Variants in CDKAL1 observed in about 807,000 individuals in gnomAD.
CDKAL1 encodes the protein CDKAL1 threonylcarbamoyladenosine tRNA methylthiotransferase.
Under a neutral mutation model 68.2 loss-of-function variants are expected in CDKAL1, and 32 were observed. That is an observed-to-expected ratio of 0.47 (90% CI 0.35 to 0.63). The LOEUF is 0.63. CDKAL1 is among the 30% of genes least tolerant of loss of function. The pLI is 0.00. For synonymous variants in CDKAL1, 234 were observed against 244.3 expected, an observed-to-expected ratio of 0.96 and a Z score of 0.39; for missense variants, 606 against 696.7, an observed-to-expected ratio of 0.87 and a Z score of 1.47.
chr6:20,540,210 G>A (rs570233827), intron 2 of CDKAL1, among the ~76,000 whole-genome samples: 72 of 150,702 alleles, frequency 4.8e-4, no homozygotes, highest in Non-Finnish European at 8.7e-4. Context: ...AGTAGCTGGG[G>A]TTACAGGCGC....
At chr6:20,890,192 C>T (rs570944105) in intron 9 of CDKAL1, among the ~76,000 whole-genome samples, 5 of 152,358 alleles carry the variant, frequency 3.3e-5, no homozygotes, top group African/African-American at 1.2e-4. Flanking sequence ...TGTTAGCACT[C>T]GCCTTGGGCA....
chr6:20,950,422 C>T (rs1357504965), intron 9 of CDKAL1, among the ~76,000 whole-genome samples: 1 of 152,060 alleles, frequency 6.6e-6, no homozygotes, highest in Non-Finnish European at 1.5e-5. Context: ...CTGCACCCAG[C>T]GTAATTTCTG....
chr6:20,625,985 A>G (rs1767414735), intron 4 of CDKAL1, among the ~76,000 whole-genome samples: 1 of 152,052 alleles, frequency 6.6e-6, no homozygotes, highest in Non-Finnish European at 1.5e-5. Context: ...TCTAACTAGG[A>G]TCTATGTTTT....
chr6:20,551,723 G>A lies in CDKAL1; in HGVS notation c.286+3018G>A, dbSNP rs75228130. The stretch of plus-strand genomic sequence containing the variant: ...TTTTTTATAACATATTCTTTAGATG[G>A]CAAAATGAGTCTTAATATTTCTGTC... On this transcript the variant is annotated intron_variant, in intron 4 of 15. Coordinates refer to ENST00000274695, the MANE Select transcript of CDKAL1 (RefSeq NM_017774.3). Among the ~76,000 whole-genome samples the A allele has an allele frequency of 1.1e-3, 173 of 152,072 alleles. 3 individuals carry two copies. The East Asian group carries it at 0.028, about 25-fold the overall frequency.
intron 5 of CDKAL1, among the ~76,000 whole-genome samples, chr6:20,694,042 TTGTGTGTGTGTGTGTGTGTATGTG>T (rs993451287): frequency 4.4e-5 from 5 of 114,400 alleles, no homozygotes; most frequent in Middle Eastern, 3.9e-3. Context: ...CCGGCTAACT[TTGTGTGTGTGTGTGTGTGTATGTG>T]TGTGTGTGTG....
chr6:20,630,011 A>T (rs1767605062), intron 4 of CDKAL1, among the ~76,000 whole-genome samples: 1 of 150,674 alleles, frequency 6.6e-6, no homozygotes, highest in South Asian at 2.1e-4. Flanking sequence ...CCACCACCAC[A>T]CCTGGCTAAT....
At chr6:20,949,046 G>T (rs1334232285) in intron 9 of CDKAL1, among the ~76,000 whole-genome samples, 3 of 152,116 alleles carry the variant, frequency 2.0e-5, no homozygotes, top group African/African-American at 4.8e-5. Flanking sequence ...TCTATAACCA[G>T]TATAATTACA....
intron 12 of CDKAL1, among the ~76,000 whole-genome samples, chr6:21,103,011 T>A (rs1773658742): frequency 6.6e-6 from 1 of 152,240 alleles, no homozygotes; most frequent in Non-Finnish European, 1.5e-5. Flanking sequence ...TAAATTGTAT[T>A]GTAGTATACC....
intron 12 of CDKAL1, among the ~76,000 whole-genome samples, chr6:21,101,396 C>CA (rs1773570064): frequency 6.6e-6 from 1 of 152,284 alleles, no homozygotes; most frequent in African/African-American, 2.4e-5. Context: ...TAAAGATTCG[C>CA]TAATAGTTCT....
At chr6:21,211,855 T>C (rs187187489) in intron 15 of CDKAL1, among the ~76,000 whole-genome samples, 32 of 152,272 alleles carry the variant, frequency 2.1e-4, no homozygotes, top group African/African-American at 7.2e-4. Flanking sequence ...CTTCCCGGGC[T>C]CAAGTGATCC....
intron 13 of CDKAL1, among the ~76,000 whole-genome samples, chr6:21,151,929 A>C (rs1033276354): frequency 6.6e-6 from 1 of 152,116 alleles, no homozygotes; most frequent in African/African-American, 2.4e-5. Context: ...ACACACAATG[A>C]TTATTTTCAG....
chr6:20,639,411 A>C (rs887826118), intron 4 of CDKAL1, among the ~76,000 whole-genome samples: 1 of 152,150 alleles, frequency 6.6e-6, no homozygotes, highest in Non-Finnish European at 1.5e-5. Context: ...ATGGGAGCAT[A>C]GGTACTCTTT....
rs1034800497 is a variant in CDKAL1 at position 21,231,736 on chromosome 6, T to G, written c.*697T>G. 1.3e-5 allele frequency: 2 copies of G among 152,052 alleles called. No individual in the cohort carries two copies. 9.4% of individuals were successfully genotyped at this position (152,052 alleles called of 1,614,324 possible). ...GAGCCACTGCGCCCGGCCTCTTTAA[T>G]AAATATTTTTAAGTGCATCTTCCCC... is the stretch of plus-strand genomic sequence containing the variant. On this transcript the variant is annotated 3_prime_UTR_variant, in exon 16 of 16. Coordinates refer to ENST00000274695, the MANE Select transcript of CDKAL1 (RefSeq NM_017774.3).
At chr6:21,089,065 A>T (rs1772854627) in intron 12 of CDKAL1, among the ~76,000 whole-genome samples, 1 of 152,274 alleles carries the variant, frequency 6.6e-6, no homozygotes, top group African/African-American at 2.4e-5. Flanking sequence ...GGAAATTAAA[A>T]TCGTAGCATT....
At chr6:20,692,971 A>C (rs531036403) in intron 5 of CDKAL1, among the ~76,000 whole-genome samples, 1 of 151,918 alleles carries the variant, frequency 6.6e-6, no homozygotes, top group South Asian at 2.1e-4. Context: ...CTAAAAAAAA[A>C]TACAAAAAAT....
chr6:20,688,426 G>GTTTTTTTTTTTTTTTTTTTTTTTT (rs770282412), intron 5 of CDKAL1, among the ~76,000 whole-genome samples: 1 of 145,432 alleles, frequency 6.9e-6, no homozygotes, highest in African/African-American at 2.5e-5. Flanking sequence ...GGTTTCTTTC[G>GTTTTTTTTTTTTTTTTTTTTTTTT]TTTTTTTTTT....
chr6:20,801,159 A>G (rs1776349883), intron 8 of CDKAL1, among the ~76,000 whole-genome samples: 1 of 152,092 alleles, frequency 6.6e-6, no homozygotes, highest in South Asian at 2.1e-4. Flanking sequence ...CCCGAACTCA[A>G]GTGATCCTCC....
chr6:20,900,050 C>A (rs995452804), intron 9 of CDKAL1, among the ~76,000 whole-genome samples: 1 of 152,178 alleles, frequency 6.6e-6, no homozygotes, highest in African/African-American at 2.4e-5. Context: ...TCTGTTCTTA[C>A]TATTGTAGGG....
chr6:20,679,885 G>A (rs1770295588), intron 5 of CDKAL1, among the ~76,000 whole-genome samples: 1 of 152,060 alleles, frequency 6.6e-6, no homozygotes, highest in African/African-American at 2.4e-5. Flanking sequence ...ATTCTCCCAG[G>A]TACTGGTTGA....
Sources: allele counts gnomAD v4.1 joint callset (sites outside exome capture counted in the v4.1 genomes callset), GRCh38; gene constraint gnomAD v4.1.1; transcripts MANE v1.5; gene names NCBI Gene and HGNC (gene_info 2026-07-23, HGNC 2026-07-21).